TTC39B: variants seen among roughly 807,000 people sequenced by gnomAD.
TTC39B encodes the protein tetratricopeptide repeat protein 39B.
A neutral mutation model predicts 96.6 loss-of-function variants in TTC39B; 92 were observed. The observed-to-expected ratio is 0.95, with a 90% CI of 0.80 to 1.13. The LOEUF (loss-of-function observed/expected upper bound fraction) is 1.13, where lower values mean the gene tolerates loss of function less well. Ranked by LOEUF, TTC39B falls within the 50% of genes most tolerant of loss-of-function variation. The probability of loss-of-function intolerance (pLI) is 0.00; values close to 1 mark genes in which losing one functional copy is unlikely to be tolerated. For missense variants in TTC39B, 955 were observed against 809.3 expected (o/e 1.18, Z -2.18); for synonymous variants, 367 against 299.4 (o/e 1.23, Z -2.33).
chr9:15,278,672 G>A (rs1422046555), intron 1 of TTC39B, among the ~76,000 whole-genome samples: 2 of 152,114 alleles, frequency 1.3e-5, no homozygotes, highest in African/African-American at 4.8e-5. Flanking sequence ...CACCAGTGGA[G>A]GTATTTTTAA....
chr9:15,252,122 G>A (rs1157534743), intron 2 of TTC39B, among the ~76,000 whole-genome samples: 4 of 152,096 alleles, frequency 2.6e-5, no homozygotes, highest in South Asian at 2.1e-4. Context: ...TTCAAGGAAG[G>A]AAAAGAGAAC....
chr9:15,203,724 C>A, intron 7 of TTC39B, 99 bp downstream of exon 7: 1 of 977,550 alleles, frequency 1.0e-6, no homozygotes, highest in South Asian at 1.8e-5. Flanking sequence ...AACTCTAAGT[C>A]AAAAGAACTG....
At chr9:15,286,216 A>G (rs10283585) in intron 1 of TTC39B, among the ~76,000 whole-genome samples, 4,401 of 152,298 alleles carry the variant, frequency 0.029, 201 homozygotes, top group African/African-American at 0.1. Context: ...TTTCTCCCCT[A>G]CAGAACAGGA....
chr9:15,216,496 G>A (rs961792935), intron 3 of TTC39B, among the ~76,000 whole-genome samples: 7 of 152,156 alleles, frequency 4.6e-5, no homozygotes, highest in African/African-American at 2.4e-5. Flanking sequence ...AAGAATGCTA[G>A]GAGTTCATAA....
intron 1 of TTC39B, among the ~76,000 whole-genome samples, chr9:15,288,270 A>G (rs1220270392): frequency 6.6e-6 from 1 of 152,178 alleles, no homozygotes; most frequent in East Asian, 1.9e-4. Flanking sequence ...GGAAACCCGC[A>G]GCCCTAAATG....
chr9:15,290,091 C>G (rs763460780), intron 1 of TTC39B, among the ~76,000 whole-genome samples: 4 of 152,052 alleles, frequency 2.6e-5, no homozygotes, highest in African/African-American at 4.8e-5. Flanking sequence ...TTTACTTTCT[C>G]CTGGTGATTT....
At chr9:15,189,213 T>C (rs1165008671) in intron 13 of TTC39B, among the ~76,000 whole-genome samples, 1 of 152,172 alleles carries the variant, frequency 6.6e-6, no homozygotes, top group Non-Finnish European at 1.5e-5. Flanking sequence ...AGCCCACACG[T>C]AGTAGACCTG....
At chr9:15,186,752 T>C (rs975259363) in intron 15 of TTC39B, 192 bp downstream of exon 15, 16 of 535,034 alleles carry the variant, frequency 3.0e-5, no homozygotes, top group African/African-American at 2.9e-4. Flanking sequence ...TGCAGTGCAA[T>C]GGCATTATTT....
chr9:15,215,227 A>G (rs935394362), intron 3 of TTC39B, among the ~76,000 whole-genome samples: 1 of 151,788 alleles, frequency 6.6e-6, no homozygotes, highest in East Asian at 1.9e-4. Flanking sequence ...CTCCAGCCTG[A>G]GCGATAGAGA....
chr9:15,196,977 A>G (rs1411143986), intron 8 of TTC39B, among the ~76,000 whole-genome samples: 1 of 152,236 alleles, frequency 6.6e-6, no homozygotes, highest in Non-Finnish European at 1.5e-5. Context: ...ACCTCCACCA[A>G]CAAAAAGATT....
chr9:15,214,146 G>A (rs963952739), exon 4 of TTC39B: 6 of 1,612,152 alleles, frequency 3.7e-6, no homozygotes, highest in Admixed American at 1.7e-5. Context: ...TACCAGGGGC[G>A]AAGCAATTCT....
intron 3 of TTC39B, among the ~76,000 whole-genome samples, chr9:15,222,309 A>G (rs957265716): frequency 6.6e-6 from 1 of 152,208 alleles, no homozygotes; most frequent in African/African-American, 2.4e-5. Flanking sequence ...GCATAAAATT[A>G]TCATCTTAAC....
chr9:15,270,257 C>G (rs1201695962), intron 1 of TTC39B, among the ~76,000 whole-genome samples: 1 of 152,064 alleles, frequency 6.6e-6, no homozygotes, highest in African/African-American at 2.4e-5. Flanking sequence ...ATATCATACT[C>G]CATAAGGGAG....
chr9:15,268,448 A>G (rs1201931700), intron 1 of TTC39B, among the ~76,000 whole-genome samples: 2 of 152,040 alleles, frequency 1.3e-5, no homozygotes, highest in Non-Finnish European at 2.9e-5. Flanking sequence ...GCTTCATGCC[A>G]CTGGCCTGAT....
intron 2 of TTC39B, among the ~76,000 whole-genome samples, chr9:15,250,818 A>C (rs919098446): frequency 2.0e-5 from 3 of 152,218 alleles, no homozygotes; most frequent in Non-Finnish European, 4.4e-5. Context: ...TGACTTCACA[A>C]ATTTCTTATC....
At chr9:15,174,551 G>C (rs1020188818) in intron 19 of TTC39B, among the ~76,000 whole-genome samples, 1 of 152,132 alleles carries the variant, frequency 6.6e-6, no homozygotes, top group Non-Finnish European at 1.5e-5. Context: ...GGCTCTTCAA[G>C]GAAATAATAG....
At chr9:15,255,347 A>G (rs999856756) in intron 2 of TTC39B, among the ~76,000 whole-genome samples, 1 of 151,972 alleles carries the variant, frequency 6.6e-6, no homozygotes, top group Admixed American at 6.6e-5. Flanking sequence ...GCCTTTGAGG[A>G]GTTCTATTCT....
At chr9:15,190,521 A>G (rs1818795030) in intron 11 of TTC39B, 33 bp downstream of exon 11, 1 of 1,579,778 alleles carries the variant, frequency 6.3e-7, no homozygotes, top group South Asian at 1.1e-5. Flanking sequence ...AAGACAATCA[A>G]TGTTCAATGA....
intron 7 of TTC39B, among the ~76,000 whole-genome samples, chr9:15,202,214 T>A (rs868357104): frequency 1.3e-5 from 2 of 152,186 alleles, no homozygotes; most frequent in Non-Finnish European, 2.9e-5. Context: ...AAATCCCTGT[T>A]TGGAAAACAG....
Sources: gnomAD v4.1 joint callset for allele counts (sites outside exome capture counted in the v4.1 genomes callset) on GRCh38, gnomAD v4.1.1 for gene constraint, MANE v1.5 for transcripts, NCBI Gene and HGNC (gene_info 2026-07-23, HGNC 2026-07-21) for gene names.